The following CLSTN3 variants were observed in gnomAD, a reference collection of about 807,000 sequenced individuals.
CLSTN3 encodes calsyntenin 3, also known as calsyntenin-3.
CLSTN3 carries 36 observed loss-of-function variants against 95.9 expected under a neutral mutation model. That is an observed-to-expected ratio of 0.38 (90% CI 0.29 to 0.50). The LOEUF (loss-of-function observed/expected upper bound fraction) is 0.50, where lower values mean the gene tolerates loss of function less well. Among genes scored for constraint, CLSTN3 ranks in the 20% least tolerant of loss-of-function variants. The pLI is 0.95. For missense variants in CLSTN3, 1,084 were observed against 1,268.8 expected (o/e 0.85, Z 2.21); for synonymous variants, 481 against 504.0 (o/e 0.95, Z 0.61).
At position 7,149,478 on chromosome 12, in the gene CLSTN3, G is replaced by A. The variant is rs149070615; in HGVS notation, c.2075-45G>A. On this transcript the variant is annotated intron_variant, in intron 13 of 17. Coordinates refer to ENST00000266546, the MANE Select transcript of CLSTN3 (RefSeq NM_014718.4). This position sits in a 1 kb window ranked among gnomAD's most constrained non-coding sequence, Gnocchi z 4.5. ...GGCATGGTTGGGTCTCAGAACCTCC[G>A]TGGGCCCTTTGGCTCTGACCCAGAC... The A allele has an allele frequency of 1.4e-4, 214 of 1,567,348 alleles. No individual in the cohort carries two copies. In the African/African-American group the frequency reaches 2.2e-3, roughly 16 times the overall value.
chr12:7,135,810 T>C lies in CLSTN3; in HGVS notation c.599T>C (p.Ile200Thr), dbSNP rs1939401816. 1.2e-6 allele frequency: 2 copies of C among 1,605,984 alleles called. No homozygotes were observed. Among genetic ancestry groups the C allele is most frequent in the South Asian group, 1.1e-5 (1 of 90,148 alleles). The change falls in exon 5 of 18, where the codon ATT becomes ACT. Residue 200 changes from isoleucine (I) to threonine (T), a missense_variant. Coordinates refer to ENST00000266546, the MANE Select transcript of CLSTN3 (RefSeq NM_014718.4). ...TPFLIDNDGN[I>T]ENTEKLQYSG... ...CCTCCTGACCCCACCCCAGGGAACA[T>C]TGAGAACACAGAGAAGCTGCAGTAC...
intron 12 of CLSTN3, among the ~76,000 whole-genome samples, chr12:7,143,842 A>G (rs1351675946): frequency 6.6e-6 from 1 of 152,210 alleles, no homozygotes; most frequent in Non-Finnish European, 1.5e-5. Context: ...CATTCATTGC[A>G]TATGTCTATG....
rs908134869 is a variant in CLSTN3, at chr12:7,141,991, C to T, written c.1487-95C>T. 1.0e-6 allele frequency: 1 copy of T among 992,828 alleles called. No homozygotes were observed. The highest frequency in any genetic ancestry group is 1.5e-6 in the Non-Finnish European group (1 of 672,702). 61.5% of individuals were successfully genotyped at this position (992,828 alleles called of 1,614,324 possible). The stretch of plus-strand genomic sequence containing the variant: ...AATCCCATGTGGGCATGAGAGCACT[C>T]ATGGGGATGAGAGGAAGACATCTCA... On this transcript the variant is annotated intron_variant, in intron 9 of 17. Coordinates refer to ENST00000266546, the MANE Select transcript of CLSTN3 (RefSeq NM_014718.4). This position sits in a 1 kb window ranked among gnomAD's most constrained non-coding sequence, Gnocchi z 4.1.
At chr12:7,147,384 G>C (rs183896706) in intron 12 of CLSTN3, among the ~76,000 whole-genome samples, 75 of 85,850 alleles carry the variant, frequency 8.7e-4, no homozygotes, top group Admixed American at 5.0e-3. Flanking sequence ...GGGCAACAGA[G>C]AGAGACTCTG....
At position 7,157,820 on chromosome 12, in the gene CLSTN3, G is replaced by T; in HGVS notation, c.2731-121G>T. On this transcript the variant is annotated intron_variant, in intron 17 of 17. Transcript: ENST00000266546. This position sits in a 1 kb window ranked among gnomAD's most constrained non-coding sequence, Gnocchi z 5.9. ...GCTGCAGTGAGCCGGAGGGAGAGAG[G>T]TTCAGGCAGGGAAGGGGGTACACAG... 1 of 1,497,616 alleles carries T rather than the reference G, an allele frequency of 6.7e-7. No homozygotes were observed. The highest frequency in any genetic ancestry group is 9.0e-7 in the Non-Finnish European group (1 of 1,113,972). 92.8% of individuals were successfully genotyped at this position (1,497,616 alleles called of 1,614,324 possible).
intron 16 of CLSTN3, chr12:7,156,403 G>A (rs1056048119): frequency 8.8e-6 from 4 of 456,556 alleles, no homozygotes; most frequent in African/African-American, 2.0e-5. Context: ...TGGCCCTCAC[G>A]GCCCACGTCT....
intron 12 of CLSTN3, among the ~76,000 whole-genome samples, chr12:7,145,210 T>C (rs1939603696): frequency 6.6e-6 from 1 of 152,212 alleles, no homozygotes; most frequent in Non-Finnish European, 1.5e-5. Context: ...GCTTGGAACC[T>C]GCCTTTGAGG....
chr12:7,136,728 A>G (rs1006012722), intron 6 of CLSTN3, 101 bp from the exon 7 acceptor site: 22 of 1,341,860 alleles, frequency 1.6e-5, no homozygotes, highest in Non-Finnish European at 2.1e-5. Context: ...GACGTGCTGT[A>G]GGAAATCTTT....
At chr12:7,132,253 G>C (rs776189177) in intron 1 of CLSTN3, 3 of 255,130 alleles carry the variant, frequency 1.2e-5, no homozygotes, top group Non-Finnish European at 2.4e-5. Flanking sequence ...GTCTTGTGGA[G>C]GACATAGAAA....
In CLSTN3 at chr12:7,133,219, G is replaced by A; in HGVS notation, c.187+73G>A. ...GGGTGGGAGGGCCAAGAGCAAGGGA[G>A]GGAGGGAAGGTCCTGGGAGTGATGA... On this transcript the variant is annotated intron_variant, in intron 2 of 17. Coordinates refer to ENST00000266546, the MANE Select transcript of CLSTN3 (RefSeq NM_014718.4). This position sits in a 1 kb window ranked among gnomAD's most constrained non-coding sequence, Gnocchi z 4.7. The A allele has an allele frequency of 6.4e-7, 1 of 1,556,348 alleles. No homozygotes were observed. The highest frequency in any genetic ancestry group is 8.8e-7 in the Non-Finnish European group (1 of 1,134,672).
At chr12:7,146,399 C>T (rs1939621853) in intron 12 of CLSTN3, among the ~76,000 whole-genome samples, 1 of 151,802 alleles carries the variant, frequency 6.6e-6, no homozygotes, top group South Asian at 2.1e-4. Flanking sequence ...GACCCTGTCT[C>T]TAAAAAATTA....
chr12:7,130,113 C>T, upstream of CLSTN3: 1 of 201,254 alleles, frequency 5.0e-6, no homozygotes, highest in Non-Finnish European at 1.0e-5. Context: ...CTCTTCCCCA[C>T]CCCCTGGCTT....
rs188783288 is a variant in CLSTN3 at position 7,136,058 on chromosome 12, A to G, written c.742+105A>G. 8 of 1,506,046 alleles carry G rather than the reference A, an allele frequency of 5.3e-6. No homozygotes were observed. In the African/African-American group the frequency reaches 1.1e-4, roughly 21 times the overall value. 93.3% of individuals were successfully genotyped at this position (1,506,046 alleles called of 1,614,324 possible). A position where few individuals can be genotyped will look rare whatever the true frequency, so the allele number is the denominator to read the frequency against. Reference sequence around the variant, plus strand: ...GGGGCCAGGCTAGGGCTTGGATGATATTGGGGCAGGCTTGCAGCTATCTAC... The same window carrying G: ...GGGGCCAGGCTAGGGCTTGGATGATGTTGGGGCAGGCTTGCAGCTATCTAC... On this transcript the variant is annotated intron_variant, in intron 5 of 17. Coordinates refer to ENST00000266546, the MANE Select transcript of CLSTN3 (RefSeq NM_014718.4).
rs1016886771 is a variant in CLSTN3, at chr12:7,137,755, A to C, written c.1211-200A>C. ...AAGCCCAAGTTATCACTTGGACTGG[A>C]ATGTGTGTGTGTGTGTGTGTGTGTG... On this transcript the variant is annotated intron_variant, in intron 7 of 17. Coordinates refer to ENST00000266546, the MANE Select transcript of CLSTN3 (RefSeq NM_014718.4). This position sits in a 1 kb window ranked among gnomAD's most constrained non-coding sequence, Gnocchi z 4.4. Among the ~76,000 whole-genome samples, 1 of 51,118 alleles carries C rather than the reference A, an allele frequency of 2.0e-5. No individual in the cohort carries two copies. Among genetic ancestry groups the C allele is most frequent in the African/African-American group, 8.7e-5 (1 of 11,492 alleles). 33.5% of individuals were successfully genotyped at this position (51,118 alleles called of 152,430 possible).
chr12:7,136,206 G>C lies in CLSTN3; in HGVS notation c.743G>C (p.Gly248Ala), dbSNP rs747255044. The C allele has an allele frequency of 4.3e-6, 7 of 1,613,338 alleles. No homozygotes were observed. The highest frequency in any genetic ancestry group is 2.2e-5 in the East Asian group (1 of 44,890). ...CACCCTCTCTGTCTCACCCATGCAG[G>C]CTGGAACAAAAGGATCGAATATGCA... ...VKPTCKPSWQGWNKRIEYAPG... is the reference protein window; with the variant it reads ...VKPTCKPSWQAWNKRIEYAPG... Residue 248 changes from glycine (G) to alanine (A), a missense_variant and splice_region_variant, in exon 6 of 18, where the codon GGC becomes GCC. Physicochemically the swap from Gly to Ala is moderately conservative, Grantham distance 60. Coordinates refer to ENST00000266546, the MANE Select transcript of CLSTN3 (RefSeq NM_014718.4).
rs1379648389 is a variant in CLSTN3, at chr12:7,136,268, C to T, written c.805C>T (p.Arg269Cys). 4 of 1,614,064 alleles carry T rather than the reference C, an allele frequency of 2.5e-6. No individual in the cohort carries two copies. The highest frequency in any genetic ancestry group is 1.3e-5 in the African/African-American group (1 of 74,922). ...GAGCTTGGCTTTGTTCCCTGGTATC[C>T]GCCTGGAGACCTGTGATGAACCACT... Reference protein sequence around the residue: ...AGSLALFPGIRLETCDEPLWN... With the variant: ...AGSLALFPGICLETCDEPLWN... The change falls in exon 6 of 18, where the codon CGC (arginine) becomes TGC (cysteine). Residue 269 changes from arginine to cysteine, a missense_variant. Physicochemically the swap from Arg to Cys is radical, Grantham distance 180. Coordinates refer to ENST00000266546, the MANE Select transcript of CLSTN3 (RefSeq NM_014718.4).
chr12:7,145,346 G>GGTGT (rs4013711), intron 12 of CLSTN3, among the ~76,000 whole-genome samples: 2 of 148,472 alleles, frequency 1.3e-5, no homozygotes, highest in African/African-American at 4.9e-5. Context: ...AATATAGAGG[G>GGTGT]GTGTGTGTGT....
intron 8 of CLSTN3, among the ~76,000 whole-genome samples, chr12:7,140,950 G>T (rs1009761059): frequency 6.6e-6 from 1 of 152,160 alleles, no homozygotes; most frequent in African/African-American, 2.4e-5. Flanking sequence ...ACATAAGTTC[G>T]GGGGGCAGGG....
Position 7,135,877 on chromosome 12 carries a change from C to T in CLSTN3, c.666C>T (p.Asp222=). 6.2e-7 allele frequency: 1 copy of T among 1,614,076 alleles called. No homozygotes were observed. Residue 222 remains aspartate, a synonymous_variant, in exon 5 of 18, where the codon GAC becomes GAT. Transcript: ENST00000266546. ...ATAAGTTTACAGTGACAGCTTATGA[C>T]TGTGGGAAGAAGCGGGCAGCAGATG... ...RLYKFTVTAY[D]CGKKRAADDA...
Sources: allele counts gnomAD v4.1 joint callset (sites outside exome capture counted in the v4.1 genomes callset), GRCh38; gene constraint gnomAD v4.1.1; non-coding constraint Gnocchi (gnomAD v3.1); transcripts MANE v1.5; gene names NCBI Gene and HGNC (gene_info 2026-07-23, HGNC 2026-07-21).